ZNF250: variants seen among roughly 807,000 people sequenced by gnomAD.
ZNF250 encodes zinc finger protein (clone 647).
ZNF250 carries 13 observed loss-of-function variants against 37.1 expected under a neutral mutation model. The observed-to-expected ratio is 0.35, with a 90% CI of 0.23 to 0.56. The LOEUF is 0.56. ZNF250 is among the 20% of genes least tolerant of loss of function. ZNF250 has a pLI of 0.87. For missense variants in ZNF250, 474 were observed against 697.9 expected (o/e 0.68, Z 3.61); for synonymous variants, 251 against 265.6 (o/e 0.94, Z 0.54).
intron 5 of ZNF250, among the ~76,000 whole-genome samples, chr8:144,883,876 G>A (rs1392762334): frequency 2.0e-5 from 3 of 152,046 alleles, no homozygotes; most frequent in African/African-American, 4.8e-5. Context: ...GAGGTGCTGA[G>A]GACAACAGTG....
At chr8:144,886,000 G>A (rs1831850177) in intron 5 of ZNF250, among the ~76,000 whole-genome samples, 1 of 151,492 alleles carries the variant, frequency 6.6e-6, no homozygotes, top group Non-Finnish European at 1.5e-5. Flanking sequence ...TCGGGAAGCT[G>A]TTGTGGGAGG....
rs973638686 is a variant in ZNF250 at position 144,880,697 on chromosome 8, C to A, written c.*818G>T. 3.1e-5 allele frequency: 10 copies of A among 325,912 alleles called. No individual in the cohort carries two copies. Among genetic ancestry groups the A allele is most frequent in the Non-Finnish European group, 5.6e-5 (9 of 161,440 alleles). The allele number at this position is 325,912 out of a possible 1,614,324, so 20.2% of individuals were successfully genotyped here. On this transcript the variant is annotated 3_prime_UTR_variant, in exon 6 of 6. Transcript: ENST00000417550. The stretch of plus-strand genomic sequence containing the variant: ...TGGCCAACACGGTGAAACTCCGTCT[C>A]TACTAAAAATACAAAAATTAGCCAG...
intron 4 of ZNF250, among the ~76,000 whole-genome samples, chr8:144,888,421 AT>A (rs1300751957): frequency 6.6e-6 from 1 of 151,932 alleles, no homozygotes; most frequent in Non-Finnish European, 1.5e-5. Flanking sequence ...ACATGGTGAA[AT>A]CCTGTCTCTA....
rs1301962409 is a variant in ZNF250, at chr8:144,880,450, G to A, written c.*1065C>T. 8.8e-6 allele frequency: 4 copies of A among 456,660 alleles called. No individual in the cohort carries two copies. The Admixed American group carries it at 9.4e-5, about 11-fold the overall frequency. 28.3% of individuals were successfully genotyped at this position (456,660 alleles called of 1,614,324 possible). On this transcript the variant is annotated 3_prime_UTR_variant, in exon 6 of 6. Transcript: ENST00000417550. The stretch of plus-strand genomic sequence containing the variant: ...ATTGAGACATCTCACGGTTTCTGGG[G>A]CACAGGATCTGCAGGTCATAAGGGC...
At position 144,880,702 on chromosome 8, in the gene ZNF250, A is replaced by G. The variant is rs2129662889; in HGVS notation, c.*813T>C. On this transcript the variant is annotated 3_prime_UTR_variant, in exon 6 of 6. Coordinates refer to ENST00000417550, the MANE Select transcript of ZNF250 (RefSeq NM_001109689.4). ...AACACGGTGAAACTCCGTCTCTACT[A>G]AAAATACAAAAATTAGCCAGGTGTG... 1 of 326,904 alleles carries G rather than the reference A, an allele frequency of 3.1e-6. No individual in the cohort carries two copies. The highest frequency in any genetic ancestry group is 7.5e-5 in the East Asian group (1 of 13,284). 20.3% of individuals were successfully genotyped at this position (326,904 alleles called of 1,614,324 possible). A position where few individuals can be genotyped will look rare whatever the true frequency, so the allele number is the denominator to read the frequency against.
intron 1 of ZNF250, among the ~76,000 whole-genome samples, chr8:144,899,503 T>G (rs779096713): frequency 1.3e-5 from 2 of 152,128 alleles, no homozygotes; most frequent in Non-Finnish European, 2.9e-5. Flanking sequence ...ATCCCATAAA[T>G]GTGTATAATT....
Position 144,890,530 on chromosome 8 carries a change from C to A in ZNF250, c.-54-127G>T. The A allele has an allele frequency of 2.0e-6, 1 of 508,286 alleles. No individual in the cohort carries two copies. Among genetic ancestry groups the A allele is most frequent in the Non-Finnish European group, 3.3e-6 (1 of 301,220 alleles). 31.5% of individuals were successfully genotyped at this position (508,286 alleles called of 1,614,324 possible). On this transcript the variant is annotated intron_variant, in intron 1 of 5. Coordinates refer to ENST00000417550, the MANE Select transcript of ZNF250 (RefSeq NM_001109689.4). This position sits in a 1 kb window ranked among gnomAD's most constrained non-coding sequence, Gnocchi z 5.1. ...GCACACTGAGGTCAGGTGCAAGGAG[C>A]TGCTACTGTTGCAGCCTTGGTCTGC...
Position 144,880,749 on chromosome 8 carries a change from A to G in ZNF250, c.*766T>C. ...TGTGGTGGCGCATATCTATAATCCT[A>G]GTTACTTGGGAGACTGAGGCACAAG... is the stretch of plus-strand genomic sequence containing the variant. On this transcript the variant is annotated 3_prime_UTR_variant, in exon 6 of 6. Transcript: ENST00000417550. The G allele has an allele frequency of 3.3e-6, 1 of 302,302 alleles. No homozygotes were observed. The highest frequency in any genetic ancestry group is 7.8e-5 in the East Asian group (1 of 12,842). 18.7% of individuals were successfully genotyped at this position (302,302 alleles called of 1,614,324 possible).
chr8:144,882,512 C>T lies in ZNF250; in HGVS notation c.671G>A (p.Cys224Tyr). 6.2e-7 allele frequency: 1 copy of T among 1,614,206 alleles called. No homozygotes were observed. The highest frequency in any genetic ancestry group is 8.5e-7 in the Non-Finnish European group (1 of 1,180,034). The part of the protein sequence containing the change: ...RIHTGEKPYV[C>Y]SVCGKAFSQS... ...GCTGAAGGCCTTCCCACATACACTG[C>T]ACACATAGGGCTTCTCTCCAGTGTG... The change falls in exon 6 of 6, where the codon TGC becomes TAC. Residue 224 changes from cysteine to tyrosine, a missense_variant. This residue lies in a region of ZNF250 where 282 missense variants were observed against 470.4 expected (regional missense o/e 0.60). Transcript: ENST00000417550. The surrounding 1 kb of genome is among the most constrained non-coding windows in gnomAD (Gnocchi z 5.5).
chr8:144,884,946 TTA>T (rs1453135990), intron 5 of ZNF250, among the ~76,000 whole-genome samples: 4 of 152,190 alleles, frequency 2.6e-5, no homozygotes, highest in Non-Finnish European at 5.9e-5. Flanking sequence ...GTTTTCTTAT[TTA>T]TTGGCCCTTT....
chr8:144,891,642 G>A lies in ZNF250; in HGVS notation c.-54-1239C>T, dbSNP rs1251461492. Among the ~76,000 whole-genome samples, 1 of 152,004 alleles carries A rather than the reference G, an allele frequency of 6.6e-6. No homozygotes were observed. Among genetic ancestry groups the A allele is most frequent in the Non-Finnish European group, 1.5e-5 (1 of 67,988 alleles). On this transcript the variant is annotated intron_variant, in intron 1 of 5. Transcript: ENST00000417550. The surrounding 1 kb of genome is among the most constrained non-coding windows in gnomAD (Gnocchi z 4.0). ...CGAGGCAGGCGGATCACCCGAGGTT[G>A]GGAGTTCGAGACCAGCCATGACCAA...
At chr8:144,899,233 G>C (rs1418753465) in intron 1 of ZNF250, among the ~76,000 whole-genome samples, 2 of 152,092 alleles carry the variant, frequency 1.3e-5, no homozygotes, top group Admixed American at 6.5e-5. Flanking sequence ...GGAAGGGTGG[G>C]GTTGGGGGGA....
rs11997311 is a variant in ZNF250 at position 144,883,691 on chromosome 8, A to G, written c.347-855T>C. Among the ~76,000 whole-genome samples the G allele has an allele frequency of 9.5e-3, 1,443 of 151,810 alleles. 17 individuals carry two copies. The highest frequency in any genetic ancestry group is 0.033 in the African/African-American group (1,369 of 41,382). On this transcript the variant is annotated intron_variant, in intron 5 of 5. Coordinates refer to ENST00000417550, the MANE Select transcript of ZNF250 (RefSeq NM_001109689.4). Reference sequence around the variant, plus strand: ...ATGCAGTGGCAGGAGGAGGGGAGGGAAGGACAAGACTGAAGGTGCAGAGGG... The same window carrying G: ...ATGCAGTGGCAGGAGGAGGGGAGGGGAGGACAAGACTGAAGGTGCAGAGGG...
Position 144,891,211 on chromosome 8 carries a change from A to T in ZNF250, c.-54-808T>A, listed in dbSNP as rs975849101. Among the ~76,000 whole-genome samples the T allele has an allele frequency of 5.9e-5, 9 of 152,190 alleles. No individual in the cohort carries two copies. Among genetic ancestry groups the T allele is most frequent in the Admixed American group, 3.9e-4 (6 of 15,274 alleles). ...GGTTCGCAGTCTTCTGGAGCATCAA[A>T]AAGAAGATACTGTGACAGGGATACA... On this transcript the variant is annotated intron_variant, in intron 1 of 5. Transcript: ENST00000417550. The surrounding 1 kb of genome is among the most constrained non-coding windows in gnomAD (Gnocchi z 4.0).
chr8:144,895,524 G>A (rs1832657710), intron 1 of ZNF250, among the ~76,000 whole-genome samples: 1 of 152,144 alleles, frequency 6.6e-6, no homozygotes, highest in Non-Finnish European at 1.5e-5. Context: ...GATGCTGCTG[G>A]ATAAGGTGTT....
chr8:144,891,499 G>T lies in ZNF250; in HGVS notation c.-54-1096C>A, dbSNP rs2735904. On this transcript the variant is annotated intron_variant, in intron 1 of 5. Transcript: ENST00000417550. The surrounding 1 kb of genome is among the most constrained non-coding windows in gnomAD (Gnocchi z 4.0). ...GGGAGGGTGAGGCAGGCACATCACC[G>T]GAGGTCAGGAGTTTGAGACCAGCCT... Among the ~76,000 whole-genome samples, 70,387 of 151,874 alleles carry T rather than the reference G, an allele frequency of 0.46. 17,133 individuals are homozygous for T. The highest frequency in any genetic ancestry group is 0.62 in the African/African-American group (25,796 of 41,440).
intron 5 of ZNF250, among the ~76,000 whole-genome samples, chr8:144,885,570 T>C (rs1343779701): frequency 6.6e-6 from 1 of 152,202 alleles, no homozygotes; most frequent in Non-Finnish European, 1.5e-5. Flanking sequence ...GCTCAAGGAA[T>C]CCTCCTGTCT....
chr8:144,896,193 CTA>C (rs1446787586), intron 1 of ZNF250, among the ~76,000 whole-genome samples: 1 of 151,532 alleles, frequency 6.6e-6, no homozygotes, highest in Non-Finnish European at 1.5e-5. Flanking sequence ...GACCCCGTCT[CTA>C]TAAAAAAATT....
rs61668478 is a variant in ZNF250, at chr8:144,880,066, CA to C, written c.*1448del. On this transcript the variant is annotated 3_prime_UTR_variant, in exon 6 of 6. Coordinates refer to ENST00000417550, the MANE Select transcript of ZNF250 (RefSeq NM_001109689.4). ...GGGGAACAAGAGCAAGACTTTGTCT[CA>C]AAAAAAAAAAAAAAAGTATGCTTAA... The C allele has an allele frequency of 7.4e-3, 993 of 133,712 alleles. 3 individuals are homozygous for C. Among genetic ancestry groups the C allele is most frequent in the African/African-American group, 0.013 (483 of 37,946 alleles). The allele number at this position is 133,712 out of a possible 1,614,324, so 8.3% of individuals were successfully genotyped here.
Sources: gnomAD v4.1 joint callset for allele counts (sites outside exome capture counted in the v4.1 genomes callset) on GRCh38, gnomAD v4.1.1 for gene constraint, gnomAD v4.1.1 regional missense constraint, Gnocchi (gnomAD v3.1) non-coding constraint, MANE v1.5 for transcripts, NCBI Gene and HGNC (gene_info 2026-07-23, HGNC 2026-07-21) for gene names.